The following SARDH variants were observed in gnomAD, a reference collection of about 807,000 sequenced individuals.
The protein encoded by SARDH is sarcosine dehydrogenase, mitochondrial.
In SARDH, 95 loss-of-function variants were observed where a neutral mutation model predicts 109.1. That is an observed-to-expected ratio of 0.87 (90% CI 0.74 to 1.03). The LOEUF (loss-of-function observed/expected upper bound fraction) is 1.03, where lower values mean the gene tolerates loss of function less well. SARDH is among the 50% of genes least tolerant of loss of function. The pLI is 0.00. For missense variants in SARDH, 1,267 were observed against 1,287.8 expected (o/e 0.98, Z 0.25); for synonymous variants, 572 against 534.8 (o/e 1.07, Z -0.96).
At chr9:133,721,749 TTA>T (rs1450656807) in intron 6 of SARDH, among the ~76,000 whole-genome samples, 2 of 152,178 alleles carry the variant, frequency 1.3e-5, no homozygotes, top group Non-Finnish European at 2.9e-5. Flanking sequence ...ATAGTGACAG[TTA>T]TATATACACA....
intron 17 of SARDH, among the ~76,000 whole-genome samples, chr9:133,673,641 G>C (rs1389126880): frequency 6.6e-6 from 1 of 152,222 alleles, no homozygotes; most frequent in Non-Finnish European, 1.5e-5. Flanking sequence ...ACTCAAAATT[G>C]ACACAGAAAA....
Position 133,708,508 on chromosome 9 carries a change from T to G in SARDH, c.1329-80A>C. On this transcript the variant is annotated intron_variant, in intron 10 of 20. Coordinates refer to ENST00000439388, the MANE Select transcript of SARDH (RefSeq NM_001134707.2). ...GCTAGCCTAGGACCCAGGGTAAGCCTGGACCCCGGTCCCCTGCACCAGAGT... is the reference window on the plus strand; with the variant it reads ...GCTAGCCTAGGACCCAGGGTAAGCCGGGACCCCGGTCCCCTGCACCAGAGT... The G allele has an allele frequency of 3.3e-6, 5 of 1,498,076 alleles. No homozygotes were observed. The South Asian group carries it at 5.2e-5, about 16-fold the overall frequency. 92.8% of individuals were successfully genotyped at this position (1,498,076 alleles called of 1,614,324 possible). A position where few individuals can be genotyped will look rare whatever the true frequency, so the allele number is the denominator to read the frequency against.
In SARDH at chr9:133,734,079, G is replaced by C; in HGVS notation, c.95C>G (p.Ala32Gly). Residue 32 changes from alanine to glycine, a missense_variant, in exon 2 of 21, where the codon GCT (alanine) becomes GGT (glycine). By Grantham distance (60) the Ala-to-Gly change is moderately conservative (BLOSUM62 0). Coordinates refer to ENST00000439388, the MANE Select transcript of SARDH (RefSeq NM_001134707.2). ...GMGPCNLSSA[A>G]GPTAEKSVPY... is the part of the protein sequence containing the mutation. ...CACACTCTTCTCGGCTGTGGGGCCA[G>C]CTGCGCTGGACAGGTTGCATGGCCC... 1 of 1,613,164 alleles carries C rather than the reference G, an allele frequency of 6.2e-7. No homozygotes were observed. The highest frequency in any genetic ancestry group is 8.5e-7 in the Non-Finnish European group (1 of 1,179,930).
chr9:133,659,683 A>C (rs1002519361), downstream of SARDH, among the ~76,000 whole-genome samples: 5 of 152,194 alleles, frequency 3.3e-5, no homozygotes, highest in African/African-American at 1.2e-4. Flanking sequence ...TCATCACAGA[A>C]GGGAAGTCAC....
intron 13 of SARDH, among the ~76,000 whole-genome samples, chr9:133,701,789 T>C (rs1831497326): frequency 6.6e-6 from 1 of 152,196 alleles, no homozygotes; most frequent in Non-Finnish European, 1.5e-5. Context: ...GAACAGATGT[T>C]CCACCACTAG....
At position 133,734,190 on chromosome 9, in the gene SARDH, AG is replaced by A; in HGVS notation, c.-18del. On this transcript the variant is annotated 5_prime_UTR_variant, in exon 2 of 21. Transcript: ENST00000439388. ...TGAGGCCATGGGGGCTCCAGGCCTC[AG>A]CGAAACAGGGAGCTGGGGAGAGAAT... 9 of 1,544,760 alleles carry A rather than the reference AG, an allele frequency of 5.8e-6. No individual in the cohort carries two copies. Among genetic ancestry groups the A allele is most frequent in the Non-Finnish European group, 7.9e-6 (9 of 1,146,088 alleles).
At position 133,737,675 on chromosome 9, in the gene SARDH, G is replaced by A. The variant is rs112787838; in HGVS notation, c.-31+579C>T. 5.0e-3 allele frequency among the ~76,000 whole-genome samples: 766 copies of A among 152,296 alleles called. 7 individuals carry two copies. The Middle Eastern group carries it at 0.061, about 12-fold the overall frequency. ...AGCTGCTGGCGCCGGAGGCTGCCAC[G>A]TGCCCCTTCACCACCTGCCTGGTCA... On this transcript the variant is annotated intron_variant, in intron 1 of 20. Transcript: ENST00000439388.
At chr9:133,701,140 C>T (rs1053763011) in intron 13 of SARDH, among the ~76,000 whole-genome samples, 15 of 152,350 alleles carry the variant, frequency 9.8e-5, no homozygotes, top group African/African-American at 3.6e-4. Flanking sequence ...GCTGGTCAGG[C>T]AGATCCCTGC....
At chr9:133,671,509 C>T in intron 18 of SARDH, 26 bp downstream of exon 18, 1 of 1,570,240 alleles carries the variant, frequency 6.4e-7, no homozygotes, top group Non-Finnish European at 8.7e-7. Flanking sequence ...CGCCCCCGCC[C>T]CGTGCTGTCC....
At chr9:133,702,837 C>T in intron 13 of SARDH, 79 bp downstream of exon 13, 1 of 1,342,160 alleles carries the variant, frequency 7.5e-7, no homozygotes, top group Non-Finnish European at 1.0e-6. Flanking sequence ...CCCTGCAGGG[C>T]CAGCCGAGGG....
chr9:133,727,873 G>A (rs1015600681), intron 6 of SARDH, among the ~76,000 whole-genome samples: 2 of 152,152 alleles, frequency 1.3e-5, no homozygotes, highest in South Asian at 2.1e-4. Context: ...TCAAAGGCAG[G>A]CCTTGGGAGG....
intron 10 of SARDH, among the ~76,000 whole-genome samples, chr9:133,710,655 C>A (rs117799564): frequency 1.6e-3 from 237 of 152,366 alleles, no homozygotes; most frequent in Middle Eastern, 3.4e-3. Flanking sequence ...TTCTCAGGCA[C>A]CTCCTTCCTC....
Position 133,685,185 on chromosome 9 carries a change from G to A in SARDH, c.2163+8C>T. The A allele has an allele frequency of 6.2e-7, 1 of 1,613,356 alleles. No homozygotes were observed. The highest frequency in any genetic ancestry group is 8.5e-7 in the Non-Finnish European group (1 of 1,179,608). The stretch of plus-strand genomic sequence containing the variant: ...ACGACCCAGAGGACGTGGCCAGCTG[G>A]AACCTACCAGGTGCCCTGCGGCTCT... On this transcript the variant is annotated splice_region_variant and intron_variant, in intron 17 of 20. Coordinates refer to ENST00000439388, the MANE Select transcript of SARDH (RefSeq NM_001134707.2).
Position 133,717,426 on chromosome 9 carries a change from A to C in SARDH, c.1050T>G (p.Phe350Leu). The change falls in exon 8 of 21, where the codon TTT becomes TTG. Residue 350 changes from phenylalanine (F) to leucine (L), a missense_variant. By Grantham distance (22) the Phe-to-Leu change is conservative. Coordinates refer to ENST00000439388, the MANE Select transcript of SARDH (RefSeq NM_001134707.2). ...GGGTGAACACCTCCCAGTCCAGGTC[A>C]AAGAGGCCGAAGGCAAACTTGTCTG... ...EVSDKFAFGLFDLDWEVFTQH... is the reference protein window; with the variant it reads ...EVSDKFAFGLLDLDWEVFTQH... 6.2e-7 allele frequency: 1 copy of C among 1,614,128 alleles called. No homozygotes were observed. The highest frequency in any genetic ancestry group is 1.1e-5 in the South Asian group (1 of 91,080).
chr9:133,697,426 G>A (rs1012830017), intron 13 of SARDH, among the ~76,000 whole-genome samples: 1 of 152,082 alleles, frequency 6.6e-6, no homozygotes, highest in Non-Finnish European at 1.5e-5. Context: ...TTCACTCTAG[G>A]AGGCCAGCAT....
chr9:133,730,669 T>C (rs963277947), intron 4 of SARDH, among the ~76,000 whole-genome samples: 1 of 152,088 alleles, frequency 6.6e-6, no homozygotes, highest in Non-Finnish European at 1.5e-5. Flanking sequence ...CTTTTTTGCT[T>C]ATTTGTCTTC....
chr9:133,712,290 C>T lies in SARDH; in HGVS notation c.1328+329G>A. ...ACTCAGCACAGTTTTCCCAGCTCAG[C>T]CCCGCTCCCTCCTGCCCCCAGGCCT... On this transcript the variant is annotated intron_variant, in intron 10 of 20. Coordinates refer to ENST00000439388, the MANE Select transcript of SARDH (RefSeq NM_001134707.2). The surrounding 1 kb of genome is among the most constrained non-coding windows in gnomAD (Gnocchi z 4.1). Among the ~76,000 whole-genome samples the T allele has an allele frequency of 6.6e-6, 1 of 152,290 alleles. No individual in the cohort carries two copies. Among genetic ancestry groups the T allele is most frequent in the South Asian group, 2.1e-4 (1 of 4,828 alleles).
At chr9:133,699,556 A>G (rs2131405557) in intron 13 of SARDH, among the ~76,000 whole-genome samples, 1 of 152,296 alleles carries the variant, frequency 6.6e-6, no homozygotes, top group South Asian at 2.1e-4. Flanking sequence ...TTTAAAAGGG[A>G]CAAAGGATCT....
chr9:133,666,863 G>T lies in SARDH; in HGVS notation c.2503C>A (p.Pro835Thr). The change falls in exon 20 of 21, where the codon CCC becomes ACC. Residue 835 changes from proline to threonine, a missense_variant. Transcript: ENST00000439388. This position sits in a 1 kb window ranked among gnomAD's most constrained non-coding sequence, Gnocchi z 5.2. The part of the protein sequence containing the change: ...LVCFTMEDKV[P>T]MFGLEAIWRN... ...CAGATGGCCTCCAGGCCAAACATGG[G>T]TACTTTGCTGGAAGAAGCAGTAGAG... is the stretch of plus-strand genomic sequence containing the variant. 3 of 1,612,616 alleles carry T rather than the reference G, an allele frequency of 1.9e-6. No individual in the cohort carries two copies. The highest frequency in any genetic ancestry group is 2.5e-6 in the Non-Finnish European group (3 of 1,179,650).
Sources: gnomAD v4.1 joint callset for allele counts (sites outside exome capture counted in the v4.1 genomes callset) on GRCh38, gnomAD v4.1.1 for gene constraint, Gnocchi (gnomAD v3.1) non-coding constraint, MANE v1.5 for transcripts, NCBI Gene and HGNC (gene_info 2026-07-23, HGNC 2026-07-21) for gene names.